Variants in ZFHX3 observed in about 807,000 individuals in gnomAD.
ZFHX3 encodes the protein zinc finger homeobox protein 3.
Under a neutral mutation model 279.1 loss-of-function variants are expected in ZFHX3, and 42 were observed. The ratio of observed to expected loss-of-function variants is 0.15; its 90% confidence interval spans 0.12 to 0.19. The LOEUF (loss-of-function observed/expected upper bound fraction) is 0.19, where lower values mean the gene tolerates loss of function less well. ZFHX3 is among the 10% of genes least tolerant of loss of function. ZFHX3 has a pLI of 1.00. For synonymous variants in ZFHX3, 2,293 were observed against 1,957.8 expected (o/e 1.17, Z -4.52); for missense variants, 4,981 against 4,754.0 (o/e 1.05, Z -1.40).
rs1020242965 is a variant in ZFHX3, at chr16:73,669,266, C to T, written c.-1547+10914G>A. On this transcript the variant is annotated intron_variant, in intron 2 of 17. Transcript: ENST00000641206. ...ATGGGGTTTCACCATGTTGGCCAGG[C>T]TTGTCTCAAACTCCTGACCTCAGGT... Among the ~76,000 whole-genome samples, 25 of 152,150 alleles carry T rather than the reference C, an allele frequency of 1.6e-4. 2 individuals carry two copies. The highest frequency in any genetic ancestry group is 3.4e-4 in the Non-Finnish European group (23 of 68,014).
intron 3 of ZFHX3, among the ~76,000 whole-genome samples, chr16:72,900,235 T>C (rs1476202375): frequency 6.6e-6 from 1 of 152,042 alleles, no homozygotes; most frequent in African/African-American, 2.4e-5. Flanking sequence ...TTCTCATGTC[T>C]GCCAATATCC....
intron 8 of ZFHX3, among the ~76,000 whole-genome samples, chr16:73,072,410 C>T (rs1238481924): frequency 7.1e-6 from 1 of 140,936 alleles, no homozygotes; most frequent in Non-Finnish European, 1.5e-5. Context: ...TGCCATTGCA[C>T]TTCAGCCTGA....
intron 3 of ZFHX3, among the ~76,000 whole-genome samples, chr16:73,402,632 C>T (rs192585763): frequency 8.3e-4 from 126 of 152,282 alleles, no homozygotes; most frequent in African/African-American, 2.4e-3. Context: ...ATCTTACCCA[C>T]GGTGGCTCAT....
At chr16:73,258,338 C>CATATATATATATATATATAT (rs59013847) in intron 4 of ZFHX3, among the ~76,000 whole-genome samples, 10 of 124,948 alleles carry the variant, frequency 8.0e-5, no homozygotes, top group African/African-American at 2.6e-4. Context: ...TTTGCTATGA[C>CATATATATATATATATATAT]ATATATATAT....
In ZFHX3 at chr16:73,676,435, A is replaced by C. The variant is rs550988560; in HGVS notation, c.-1547+3745T>G. Among the ~76,000 whole-genome samples, 4 of 152,026 alleles carry C rather than the reference A, an allele frequency of 2.6e-5. No homozygotes were observed. The South Asian group carries it at 8.3e-4, about 32-fold the overall frequency. Reference sequence around the variant, plus strand: ...TTTTCCCCTTAAATTTGACAGTTGGAGATATAGAGATTAAATAATGGTTTT... The same window carrying C: ...TTTTCCCCTTAAATTTGACAGTTGGCGATATAGAGATTAAATAATGGTTTT... On this transcript the variant is annotated intron_variant, in intron 2 of 17. Transcript: ENST00000641206.
intron 3 of ZFHX3, among the ~76,000 whole-genome samples, chr16:72,943,515 G>A (rs1221533268): frequency 3.3e-5 from 5 of 152,168 alleles, no homozygotes; most frequent in African/African-American, 1.2e-4. Flanking sequence ...CTGGGTGACA[G>A]AGTGAGACCC....
chr16:72,904,736 A>G (rs139310130), intron 3 of ZFHX3, among the ~76,000 whole-genome samples: 3 of 152,132 alleles, frequency 2.0e-5, no homozygotes, highest in East Asian at 3.9e-4. Flanking sequence ...GGAAGGCTTT[A>G]TGCATTGCAC....
chr16:73,513,542 C>T (rs2143692603), intron 2 of ZFHX3, among the ~76,000 whole-genome samples: 1 of 152,252 alleles, frequency 6.6e-6, no homozygotes, highest in East Asian at 1.9e-4. Context: ...TATACAGGAT[C>T]TGATAGCCTC....
intron 3 of ZFHX3, among the ~76,000 whole-genome samples, chr16:73,378,886 T>C (rs2016771663): frequency 6.6e-6 from 1 of 152,206 alleles, no homozygotes; most frequent in South Asian, 2.1e-4. Flanking sequence ...ATACTTACTG[T>C]AGTACCTTCC....
At chr16:72,938,198 T>C (rs762548703) in intron 3 of ZFHX3, among the ~76,000 whole-genome samples, 5 of 152,246 alleles carry the variant, frequency 3.3e-5, no homozygotes, top group African/African-American at 4.8e-5. Context: ...GATATGTCAC[T>C]AGAGCATAAA....
At chr16:73,434,708 G>C (rs1192005240) in intron 3 of ZFHX3, among the ~76,000 whole-genome samples, 3 of 152,158 alleles carry the variant, frequency 2.0e-5, no homozygotes, top group Admixed American at 6.5e-5. Context: ...ATGTGGAACA[G>C]TGGGCTGGGA....
intron 5 of ZFHX3, among the ~76,000 whole-genome samples, chr16:73,216,726 G>C (rs546915127): frequency 2.5e-4 from 38 of 151,888 alleles, no homozygotes; most frequent in African/African-American, 9.2e-4. Context: ...TCGCGCCACT[G>C]CACTCCAGCC....
Position 73,187,144 on chromosome 16 carries a change from TCACA to T in ZFHX3, c.-1103-43317_-1103-43314del, listed in dbSNP as rs71156147. The stretch of plus-strand genomic sequence containing the variant: ...CGGGGGGATGGACAAGTTGTATGTC[TCACA>T]CACACACACACACACACACACACAC... On this transcript the variant is annotated intron_variant, in intron 5 of 17. Transcript: ENST00000641206. Among the ~76,000 whole-genome samples, 259 of 147,060 alleles carry T rather than the reference TCACA, an allele frequency of 1.8e-3. 2 individuals are homozygous for T. The highest frequency in any genetic ancestry group is 5.3e-3 in the East Asian group (26 of 4,898).
chr16:73,030,637 G>GA (rs200973195), intron 1 of ZFHX3, among the ~76,000 whole-genome samples: 14,876 of 144,228 alleles, frequency 0.1, 996 homozygotes, highest in Non-Finnish European at 0.15. Flanking sequence ...AGGGAAAAGA[G>GA]AAAAAAAAAA....
At chr16:73,563,590 G>A (rs1189338089) in intron 2 of ZFHX3, among the ~76,000 whole-genome samples, 1 of 152,174 alleles carries the variant, frequency 6.6e-6, no homozygotes, top group African/African-American at 2.4e-5. Flanking sequence ...TATTAGGGAT[G>A]TGATTGGTTC....
intron 3 of ZFHX3, among the ~76,000 whole-genome samples, chr16:72,936,331 C>T (rs1436647491): frequency 6.6e-6 from 1 of 152,260 alleles, no homozygotes; most frequent in Admixed American, 6.5e-5. Context: ...GTGTCACACA[C>T]TGTTCTAAGC....
chr16:73,589,892 A>C (rs1288022743), intron 2 of ZFHX3, among the ~76,000 whole-genome samples: 2 of 152,144 alleles, frequency 1.3e-5, no homozygotes, highest in Non-Finnish European at 2.9e-5. Flanking sequence ...CTAACTGTGT[A>C]ACTAGTTGGA....
upstream of ZFHX3, among the ~76,000 whole-genome samples, chr16:73,063,007 CTCT>C (rs1449272594): frequency 6.6e-6 from 1 of 152,272 alleles, no homozygotes; most frequent in Non-Finnish European, 1.5e-5. Flanking sequence ...CTAACTCCGG[CTCT>C]TCTTCGGGCT....
At chr16:73,320,463 C>T (rs527701519) in intron 3 of ZFHX3, among the ~76,000 whole-genome samples, 5 of 152,316 alleles carry the variant, frequency 3.3e-5, no homozygotes, top group East Asian at 1.9e-4. Context: ...GCTACAGATC[C>T]ACATCATCTC....
Sources: allele counts gnomAD v4.1 joint callset (sites outside exome capture counted in the v4.1 genomes callset), GRCh38; gene constraint gnomAD v4.1.1; transcripts MANE v1.5; gene names NCBI Gene and HGNC (gene_info 2026-07-23, HGNC 2026-07-21).